Variants in FMN1 observed in about 807,000 individuals in gnomAD.
FMN1 encodes the protein formin-1.
In FMN1, 110 loss-of-function variants were observed where a neutral mutation model predicts 132.4. The ratio of observed to expected loss-of-function variants is 0.83; its 90% CI spans 0.71 to 0.97. The LOEUF (loss-of-function observed/expected upper bound fraction) is 0.97. Ranked by LOEUF, FMN1 falls within the 50% of genes least tolerant of loss-of-function variation. The pLI is 0.00. For synonymous variants in FMN1, 722 were observed against 651.7 expected (o/e 1.11, Z -1.64); for missense variants, 1,792 against 1,705.3 (o/e 1.05, Z -0.90).
chr15:32,795,904 AAGAT>A (rs1223862760), intron 19 of FMN1, among the ~76,000 whole-genome samples: 1 of 152,178 alleles, frequency 6.6e-6, no homozygotes, highest in Admixed American at 6.5e-5. Context: ...TACTCTTCCA[AAGAT>A]ATAGTTAATC....
intron 17 of FMN1, among the ~76,000 whole-genome samples, chr15:32,820,107 C>T (rs1393020921): frequency 6.6e-6 from 1 of 152,142 alleles, no homozygotes; most frequent in Non-Finnish European, 1.5e-5. Flanking sequence ...TCCATCAATA[C>T]AACCTGAAGG....
intron 4 of FMN1, among the ~76,000 whole-genome samples, chr15:33,108,906 T>C (rs572192406): frequency 1.3e-5 from 2 of 152,238 alleles, no homozygotes; most frequent in South Asian, 4.1e-4. Context: ...GCCTACAATA[T>C]TGATTACCAC....
intron 6 of FMN1, among the ~76,000 whole-genome samples, chr15:33,050,250 A>G (rs1000405148): frequency 6.6e-6 from 1 of 152,214 alleles, no homozygotes; most frequent in African/African-American, 2.4e-5. Flanking sequence ...GCATCTGTAT[A>G]CATATTGTTA....
At chr15:32,890,759 TTATC>T (rs2060008119) in intron 15 of FMN1, among the ~76,000 whole-genome samples, 1 of 152,170 alleles carries the variant, frequency 6.6e-6, no homozygotes, top group Non-Finnish European at 1.5e-5. Context: ...TCCCAACTAC[TTATC>T]TTTGTTTTTA....
intron 16 of FMN1, among the ~76,000 whole-genome samples, chr15:32,881,864 T>C (rs1040240112): frequency 5.9e-5 from 9 of 152,176 alleles, no homozygotes; most frequent in Non-Finnish European, 1.3e-4. Flanking sequence ...TACATCTAAC[T>C]TCCACACATG....
At chr15:32,979,975 C>CT (rs1286586413) in intron 7 of FMN1, among the ~76,000 whole-genome samples, 7 of 152,294 alleles carry the variant, frequency 4.6e-5, no homozygotes, top group South Asian at 2.1e-4. Context: ...CTCCTTGCCA[C>CT]TTTGAGTTTT....
At chr15:32,936,508 C>CTA (rs1335059239) in intron 9 of FMN1, among the ~76,000 whole-genome samples, 1 of 152,140 alleles carries the variant, frequency 6.6e-6, no homozygotes, top group Non-Finnish European at 1.5e-5. Context: ...TAGTGTCTGT[C>CTA]TATGGTACTG....
chr15:32,989,458 A>G lies in FMN1; in HGVS notation c.2223+18556T>C, dbSNP rs1596409497. 2.6e-5 allele frequency among the ~76,000 whole-genome samples: 4 copies of G among 152,318 alleles called. 1 individual carries two copies. Among genetic ancestry groups the G allele is most frequent in the Admixed American group, 2.6e-4 (4 of 15,302 alleles). On this transcript the variant is annotated intron_variant, in intron 7 of 20. Coordinates refer to ENST00000616417, the MANE Select transcript of FMN1 (RefSeq NM_001277313.2). The stretch of plus-strand genomic sequence containing the variant: ...TGATTGTGAGAAATCCAAGTGAAAG[A>G]TAAAAGCATGCTGGAGGGAAAGTGT...
intron 17 of FMN1, among the ~76,000 whole-genome samples, chr15:32,852,003 T>C (rs952684722): frequency 1.3e-5 from 2 of 152,208 alleles, no homozygotes; most frequent in African/African-American, 4.8e-5. Flanking sequence ...TTTTCTCAGT[T>C]ACATTTGTTA....
At chr15:33,005,518 T>G (rs142225159) in intron 7 of FMN1, among the ~76,000 whole-genome samples, 377 of 152,322 alleles carry the variant, frequency 2.5e-3, no homozygotes, top group African/African-American at 8.1e-3. Flanking sequence ...TCTCCAATCT[T>G]TTCTTAGTTT....
chr15:33,120,899 G>C (rs527377233), intron 4 of FMN1, among the ~76,000 whole-genome samples: 1 of 151,878 alleles, frequency 6.6e-6, no homozygotes, highest in Non-Finnish European at 1.5e-5. Flanking sequence ...AAATATACCT[G>C]TTGCACTATA....
intron 7 of FMN1, among the ~76,000 whole-genome samples, chr15:32,997,375 T>C (rs1404711292): frequency 2.6e-5 from 4 of 151,756 alleles, no homozygotes; most frequent in African/African-American, 9.7e-5. Context: ...CCTTTATTCC[T>C]ACCTTGTACA....
intron 16 of FMN1, among the ~76,000 whole-genome samples, chr15:32,859,713 G>C (rs367885415): frequency 3.3e-5 from 5 of 152,178 alleles, no homozygotes; most frequent in African/African-American, 7.2e-5. Context: ...CTTCTCTAGA[G>C]AGCTCCATGT....
At chr15:32,819,374 T>G (rs981373923) in intron 17 of FMN1, among the ~76,000 whole-genome samples, 1 of 152,196 alleles carries the variant, frequency 6.6e-6, no homozygotes, top group South Asian at 2.1e-4. Flanking sequence ...CCCTATGGAT[T>G]TATATGGGTC....
chr15:32,777,512 CA>C (rs1248205166), intron 19 of FMN1, among the ~76,000 whole-genome samples: 3 of 85,030 alleles, frequency 3.5e-5, no homozygotes, highest in African/African-American at 3.5e-5. Context: ...ACATATAACA[CA>C]TTTATATATT....
intron 10 of FMN1, 148 bp from the exon 11 acceptor site, chr15:32,910,683 C>A (rs1342773838): frequency 1.5e-6 from 1 of 650,604 alleles, no homozygotes; most frequent in Admixed American, 2.6e-5. Flanking sequence ...TCCTTTCGCA[C>A]CAGGGGTCTC....
chr15:32,932,332 C>T (rs1238307666), intron 9 of FMN1, among the ~76,000 whole-genome samples: 1 of 152,148 alleles, frequency 6.6e-6, no homozygotes, highest in Non-Finnish European at 1.5e-5. Flanking sequence ...ACCCGGGAGG[C>T]CAAGGTTGCA....
At chr15:32,933,377 C>T (rs1168432947) in intron 9 of FMN1, among the ~76,000 whole-genome samples, 1 of 152,064 alleles carries the variant, frequency 6.6e-6, no homozygotes. Context: ...TTTGTTAAGG[C>T]TTGTTTTCTG....
intron 6 of FMN1, among the ~76,000 whole-genome samples, chr15:33,057,920 T>A (rs2037293551): frequency 7.7e-6 from 1 of 129,818 alleles, no homozygotes; most frequent in Admixed American, 7.7e-5. Context: ...GCTGAGCTAG[T>A]TGATGGCTAT....
Sources: allele counts gnomAD v4.1 joint callset (sites outside exome capture counted in the v4.1 genomes callset), GRCh38; gene constraint gnomAD v4.1.1; transcripts MANE v1.5; gene names NCBI Gene and HGNC (gene_info 2026-07-23, HGNC 2026-07-21).